Variants in WASHC2C observed in about 807,000 individuals in gnomAD.
WASHC2C encodes WASH complex subunit 2C, also known as Vaccinia Penetration Factor.
A neutral mutation model predicts 142.2 loss-of-function variants in WASHC2C; 73 were observed. The ratio of observed to expected loss-of-function variants is 0.51; its 90% confidence interval spans 0.43 to 0.62. The LOEUF is 0.62. Ranked by LOEUF, WASHC2C falls within the 20% of genes least tolerant of loss-of-function variation. WASHC2C has a pLI of 0.00. For missense variants in WASHC2C, 969 were observed against 1,531.7 expected, an observed-to-expected ratio of 0.63 and a Z score of 6.13; for synonymous variants, 337 against 565.5, an observed-to-expected ratio of 0.60 and a Z score of 5.73.
intron 3 of WASHC2C, among the ~76,000 whole-genome samples, chr10:45,733,548 G>A (rs1554863224): frequency 2.0e-5 from 3 of 152,256 alleles, no homozygotes; most frequent in African/African-American, 7.2e-5. Flanking sequence ...TTTAGCAGGT[G>A]AGGATGAAAG....
intron 13 of WASHC2C, among the ~76,000 whole-genome samples, chr10:45,754,171 G>A (rs1353872953): frequency 2.1e-3 from 313 of 149,178 alleles, no homozygotes; most frequent in Middle Eastern, 7.2e-3. Flanking sequence ...GGGGAGCCCC[G>A]GTCATGCTGT....
intron 4 of WASHC2C, among the ~76,000 whole-genome samples, chr10:45,738,986 T>C (rs12246276): frequency 0.27 from 40,573 of 151,948 alleles, 5,647 homozygotes; most frequent in African/African-American, 0.34. Context: ...GGATTACAGG[T>C]GTGAGCTACT....
In WASHC2C at chr10:45,788,964, G is replaced by A. The variant is rs199859824; in HGVS notation, c.3181G>A (p.Val1061Ile). ...GTCCAGCGAGGCTGAGGACATGAGC[G>A]TCCCCAGAGGACCCATTGCACAGTG... ...QESSEAEDMS[V>I]PRGPIAQWAD... is the part of the protein sequence containing the mutation. The change falls in exon 29 of 31, where the codon GTC becomes ATC. Residue 1061 changes from valine (V) to isoleucine (I), a missense_variant. Coordinates refer to ENST00000623400, the MANE Select transcript of WASHC2C (RefSeq NM_001330074.2). 262,953 of 1,611,876 alleles carry A rather than the reference G, an allele frequency of 0.16. 22,501 individuals carry two copies. The highest frequency in any genetic ancestry group is 0.26 in the Admixed American group (15,654 of 60,006).
chr10:45,789,585 G>A lies in WASHC2C; in HGVS notation c.3708+94G>A, dbSNP rs1201668243. On this transcript the variant is annotated intron_variant, in intron 29 of 30. Transcript: ENST00000623400. Reference sequence around the variant, plus strand: ...CCATAGATTATGTCTAGCTTGTTGCGTGCATACCCCATAGCCACTTGCTTA... The same window carrying A: ...CCATAGATTATGTCTAGCTTGTTGCATGCATACCCCATAGCCACTTGCTTA... 1.1e-4 allele frequency: 169 copies of A among 1,548,590 alleles called. No homozygotes were observed. The Middle Eastern group carries it at 1.4e-3, about 13-fold the overall frequency.
chr10:45,743,567 A>G, intron 6 of WASHC2C, 84 bp downstream of exon 6: 1 of 1,506,782 alleles, frequency 6.6e-7, no homozygotes, highest in Non-Finnish European at 8.9e-7. Context: ...TAAAGTTTCA[A>G]GAATAGTTCA....
chr10:45,769,481 C>T lies in WASHC2C; in HGVS notation c.1902C>T (p.His634=). The T allele has an allele frequency of 1.2e-6, 2 of 1,611,152 alleles. No individual in the cohort carries two copies. Among genetic ancestry groups the T allele is most frequent in the Non-Finnish European group, 1.7e-6 (2 of 1,179,572 alleles). ...DQWNIPASQT[H]LASDSRSKGE... is the part of the protein sequence containing the mutation. ...GGAATATTCCTGCTTCACAGACCCA[C>T]TTAGCATCTGACAGCAGGTCTAAAG... The change falls in exon 20 of 31, where the codon CAC becomes CAT. Residue 634 remains histidine, a synonymous_variant. Coordinates refer to ENST00000623400, the MANE Select transcript of WASHC2C (RefSeq NM_001330074.2).
intron 8 of WASHC2C, among the ~76,000 whole-genome samples, chr10:45,749,861 A>ATT (rs1283579161): frequency 0.13 from 15,793 of 120,732 alleles, 1,467 homozygotes; most frequent in East Asian, 0.35. Flanking sequence ...ATATATTTAT[A>ATT]TATATATATA....
chr10:45,730,171 C>G (rs567669315), intron 3 of WASHC2C, among the ~76,000 whole-genome samples: 4 of 128,862 alleles, frequency 3.1e-5, no homozygotes, highest in Admixed American at 2.4e-4. Context: ...ATGGAGAAAC[C>G]CCGTCTCTAC....
At chr10:45,766,060 G>A (rs573115807) in intron 19 of WASHC2C, among the ~76,000 whole-genome samples, 16 of 152,332 alleles carry the variant, frequency 1.1e-4, no homozygotes, top group African/African-American at 3.4e-4. Flanking sequence ...AATGAGTTAG[G>A]CCGGCTAGGG....
chr10:45,783,498 G>A (rs1311401184), intron 23 of WASHC2C, among the ~76,000 whole-genome samples: 1 of 152,150 alleles, frequency 6.6e-6, no homozygotes, highest in African/African-American at 2.4e-5. Context: ...GTCCTACTGT[G>A]TTGCCCAGGC....
In WASHC2C at chr10:45,727,680, G is replaced by A. The variant is rs572468055; in HGVS notation, c.126+141G>A. 2.2e-4 allele frequency: 285 copies of A among 1,276,526 alleles called. 5 individuals carry two copies. The Admixed American group carries it at 8.2e-3, about 37-fold the overall frequency. 79.1% of individuals were successfully genotyped at this position (1,276,526 alleles called of 1,614,324 possible). On this transcript the variant is annotated intron_variant, in intron 2 of 30. Transcript: ENST00000623400. The stretch of plus-strand genomic sequence containing the variant: ...GGAACACACGCCCCGTTTAGCCCCC[G>A]AGAATGCCACCCTGGCAGTCCCCGG...
At chr10:45,751,245 C>G (rs1379336281) in intron 10 of WASHC2C, among the ~76,000 whole-genome samples, 1 of 150,972 alleles carries the variant, frequency 6.6e-6, no homozygotes, top group Non-Finnish European at 1.5e-5. Context: ...TCAACAAATA[C>G]AATCCTGTTA....
chr10:45,758,640 C>T (rs2054638234), intron 16 of WASHC2C, among the ~76,000 whole-genome samples: 1 of 144,834 alleles, frequency 6.9e-6, no homozygotes, highest in African/African-American at 2.6e-5. Context: ...CAGGGTCTTG[C>T]TCTGTTGCCC....
chr10:45,785,671 A>C (rs2135734036), intron 26 of WASHC2C, 40 bp downstream of exon 26: 1 of 1,612,004 alleles, frequency 6.2e-7, no homozygotes, highest in East Asian at 2.2e-5. Flanking sequence ...TCTTGTTTGC[A>C]TCCCAGTACA....
intron 17 of WASHC2C, among the ~76,000 whole-genome samples, chr10:45,762,049 C>T (rs545120627): frequency 2.7e-5 from 4 of 148,838 alleles, no homozygotes; most frequent in Non-Finnish European, 4.5e-5. Context: ...TTAGAAATAT[C>T]TTCTTGTCCT....
intron 3 of WASHC2C, among the ~76,000 whole-genome samples, chr10:45,735,741 A>T (rs1284874516): frequency 6.6e-6 from 1 of 152,234 alleles, no homozygotes; most frequent in Admixed American, 6.5e-5. Context: ...GGGTCAGAGG[A>T]TATGATCATT....
chr10:45,742,294 G>A (rs2052182132), intron 5 of WASHC2C, among the ~76,000 whole-genome samples: 1 of 152,204 alleles, frequency 6.6e-6, no homozygotes. Flanking sequence ...TCTGTTTATT[G>A]AGTTATAATC....
chr10:45,742,514 C>T (rs1297772281), intron 5 of WASHC2C, among the ~76,000 whole-genome samples: 1 of 152,198 alleles, frequency 6.6e-6, no homozygotes, highest in African/African-American at 2.4e-5. Flanking sequence ...TTGGGTTTCA[C>T]CACGTTGGCC....
intron 9 of WASHC2C, among the ~76,000 whole-genome samples, chr10:45,750,489 C>T (rs1356279490): frequency 6.6e-6 from 1 of 151,832 alleles, no homozygotes; most frequent in Non-Finnish European, 1.5e-5. Context: ...TTCTTATTTT[C>T]GTATTTAGAT....
Sources: allele counts gnomAD v4.1 joint callset (sites outside exome capture counted in the v4.1 genomes callset), GRCh38; gene constraint gnomAD v4.1.1; transcripts MANE v1.5; gene names NCBI Gene and HGNC (gene_info 2026-07-23, HGNC 2026-07-21).